TCN2: variants seen among roughly 807,000 people sequenced by gnomAD.
TCN2 encodes the protein transcobalamin-2.
Under a neutral mutation model 48.6 loss-of-function variants are expected in TCN2, and 34 were observed. That is an observed-to-expected ratio of 0.70 (90% CI 0.53 to 0.93). The LOEUF (loss-of-function observed/expected upper bound fraction) is 0.93. Among genes scored for constraint, TCN2 ranks in the 40% least tolerant of loss-of-function variants. The pLI is 0.00. For synonymous variants in TCN2, 283 were observed against 212.5 expected, an observed-to-expected ratio of 1.33 and a Z score of -2.89; for missense variants, 652 against 526.1, an observed-to-expected ratio of 1.24 and a Z score of -2.34.
At chr22:30,618,039 G>A (rs776676918) in intron 7 of TCN2, among the ~76,000 whole-genome samples, 7 of 151,816 alleles carry the variant, frequency 4.6e-5, no homozygotes, top group Non-Finnish European at 1.0e-4. Flanking sequence ...CTCTGGGGAT[G>A]AAGCAACCCT....
chr22:30,626,362 TACAG>T (rs1484609705), intron 8 of TCN2, 94 bp from the exon 9 acceptor site: 3 of 1,334,242 alleles, frequency 2.2e-6, no homozygotes, highest in Non-Finnish European at 3.2e-6. Flanking sequence ...GGTGGATTCT[TACAG>T]ACTCTAGCCT....
At chr22:30,624,080 A>ATATAT (rs1384095160) in intron 8 of TCN2, among the ~76,000 whole-genome samples, 3 of 41,348 alleles carry the variant, frequency 7.3e-5, no homozygotes, top group Non-Finnish European at 4.0e-5. Context: ...ATATATATAT[A>ATATAT]TTTTTTTTTT....
In TCN2 at chr22:30,615,229, ACCCT is replaced by A. The variant is rs920137484; in HGVS notation, c.581-70_581-67del. ...GGTTGTCCATAGCTACAAGGGCCTGACCCTCAAGCCCCTGCCTGTCCTGGCCCCT... is the reference window on the plus strand; with the variant it reads ...GGTTGTCCATAGCTACAAGGGCCTGACAAGCCCCTGCCTGTCCTGGCCCCT... On this transcript the variant is annotated intron_variant, in intron 4 of 8. Coordinates refer to ENST00000215838, the MANE Select transcript of TCN2 (RefSeq NM_000355.4). 57 of 1,543,502 alleles carry A rather than the reference ACCCT, an allele frequency of 3.7e-5. 1 individual carries two copies. In the South Asian group the frequency reaches 5.1e-4, roughly 14 times the overall value.
At chr22:30,615,894 GAT>G in intron 6 of TCN2, 107 bp downstream of exon 6, 1 of 1,426,020 alleles carries the variant, frequency 7.0e-7, no homozygotes, top group African/African-American at 1.4e-5. Context: ...GTCAGCACAA[GAT>G]TGTGGGTGTG....
intron 6 of TCN2, among the ~76,000 whole-genome samples, chr22:30,616,025 T>C (rs896066530): frequency 6.7e-6 from 1 of 149,364 alleles, no homozygotes; most frequent in Non-Finnish European, 1.5e-5. Context: ...ACAGAAATGT[T>C]TGGATGGATG....
intron 8 of TCN2, among the ~76,000 whole-genome samples, chr22:30,623,919 T>TATATATATATACATATATACACACAC: frequency 8.4e-5 from 1 of 11,928 alleles, no homozygotes; most frequent in Non-Finnish European, 1.6e-4. Context: ...TATACACACA[T>TATATATATATACATATATACACACAC]ATATATGTAT....
At chr22:30,621,952 T>C (rs1461814827) in intron 7 of TCN2, among the ~76,000 whole-genome samples, 1 of 152,228 alleles carries the variant, frequency 6.6e-6, no homozygotes, top group African/African-American at 2.4e-5. Context: ...TGCTGCTTTC[T>C]CCTGTGGGAG....
Position 30,614,370 on chromosome 22 carries a change from C to T in TCN2, c.449C>T (p.Pro150Leu). The change falls in exon 4 of 9, where the codon CCC (proline) becomes CTC (leucine). Residue 150 changes from proline to leucine, a missense_variant. Physicochemically the swap from Pro to Leu is moderately conservative, Grantham distance 98 (BLOSUM62 -3). Coordinates refer to ENST00000215838, the MANE Select transcript of TCN2 (RefSeq NM_000355.4). The stretch of plus-strand genomic sequence containing the variant: ...TCAGGGCATGATCACAAGGGCCACC[C>T]CCACACTAGCTACTACCAGTATGGC... ...RAIGHDHKGH[P>L]HTSYYQYGLG... 5 of 1,614,156 alleles carry T rather than the reference C, an allele frequency of 3.1e-6. No individual in the cohort carries two copies. The highest frequency in any genetic ancestry group is 4.2e-6 in the Non-Finnish European group (5 of 1,180,006).
At chr22:30,611,555 T>A (rs1377234208) in intron 2 of TCN2, among the ~76,000 whole-genome samples, 1 of 152,264 alleles carries the variant, frequency 6.6e-6, no homozygotes, top group Non-Finnish European at 1.5e-5. Context: ...TTGCCCAGGC[T>A]AGAGTGCAGT....
intron 7 of TCN2, 147 bp from the exon 8 acceptor site, chr22:30,622,821 G>A: frequency 3.8e-6 from 3 of 787,014 alleles, no homozygotes; most frequent in Non-Finnish European, 6.6e-6. Context: ...TGAGATCACA[G>A]ACCTGTGGCC....
intron 7 of TCN2, among the ~76,000 whole-genome samples, chr22:30,621,256 G>A (rs1414038492): frequency 6.6e-6 from 1 of 152,056 alleles, no homozygotes. Flanking sequence ...GCCTCCTCAA[G>A]TGCTGGGATT....
rs541761648 is a variant in TCN2 at position 30,607,236 on chromosome 22, G to C, written c.-96G>C. On this transcript the variant is annotated 5_prime_UTR_variant, in exon 1 of 9. Transcript: ENST00000215838. ...TCAGTGACAGGAAGCTGCGTCTCTCGGAGCGGTGACCAGCTGTGGTCAGGA... is the reference window on the plus strand; with the variant it reads ...TCAGTGACAGGAAGCTGCGTCTCTCCGAGCGGTGACCAGCTGTGGTCAGGA... 11 of 1,324,148 alleles carry C rather than the reference G, an allele frequency of 8.3e-6. No homozygotes were observed. Among genetic ancestry groups the C allele is most frequent in the Middle Eastern group, 2.0e-4 (1 of 4,900 alleles). The allele number at this position is 1,324,148 out of a possible 1,614,324, so 82.0% of individuals were successfully genotyped here.
rs774428161 is a variant in TCN2 at position 30,623,024 on chromosome 22, C to T, written c.1163C>T (p.Ala388Val). ...TACTTAACCTCCGTGATGGGGAAAG[C>T]GGCCGGAGAAAGGGAGTTCTGGCAG... ...GPYLTSVMGKAAGEREFWQLL... is the reference protein window; with the variant it reads ...GPYLTSVMGKVAGEREFWQLL... Residue 388 changes from alanine (A) to valine (V), a missense_variant, in exon 8 of 9, where the codon GCG (alanine) becomes GTG (valine). By Grantham distance (64) the Ala-to-Val change is moderately conservative. Transcript: ENST00000215838. 52 of 1,613,934 alleles carry T rather than the reference C, an allele frequency of 3.2e-5. No homozygotes were observed. Among genetic ancestry groups the T allele is most frequent in the South Asian group, 2.2e-4 (20 of 91,080 alleles).
chr22:30,610,712 C>T (rs1473286407), intron 1 of TCN2, among the ~76,000 whole-genome samples, 159 bp from the exon 2 acceptor site: 1 of 152,218 alleles, frequency 6.6e-6, no homozygotes, highest in Non-Finnish European at 1.5e-5. Context: ...CTCCCACTGC[C>T]TTTCAGTATG....
chr22:30,625,519 G>A (rs148271468), intron 8 of TCN2, among the ~76,000 whole-genome samples: 10 of 152,094 alleles, frequency 6.6e-5, no homozygotes, highest in African/African-American at 1.4e-4. Context: ...GCTGAGTGCA[G>A]TATCACAATC....
chr22:30,618,498 C>T (rs1014754475), intron 7 of TCN2, among the ~76,000 whole-genome samples: 5 of 151,956 alleles, frequency 3.3e-5, no homozygotes, highest in Admixed American at 6.6e-5. Flanking sequence ...GCTACAGGCG[C>T]GTGCCACCAT....
chr22:30,616,435 C>T (rs969103435), intron 6 of TCN2, among the ~76,000 whole-genome samples: 1 of 148,444 alleles, frequency 6.7e-6, no homozygotes, highest in East Asian at 2.0e-4. Context: ...TTGCAGTGAG[C>T]CAAGATCATG....
intron 7 of TCN2, among the ~76,000 whole-genome samples, chr22:30,619,074 A>G (rs2087658794): frequency 6.6e-6 from 1 of 151,878 alleles, no homozygotes. Flanking sequence ...CTGGCCCAGA[A>G]TAAGAACTTT....
chr22:30,623,873 C>T (rs866204556), intron 8 of TCN2, among the ~76,000 whole-genome samples: 2 of 31,538 alleles, frequency 6.3e-5, no homozygotes, highest in Admixed American at 3.8e-4. Context: ...CACATATATA[C>T]ACACATATAT....
Sources: allele counts gnomAD v4.1 joint callset (sites outside exome capture counted in the v4.1 genomes callset), GRCh38; gene constraint gnomAD v4.1.1; transcripts MANE v1.5; gene names NCBI Gene and HGNC (gene_info 2026-07-23, HGNC 2026-07-21).